CSF3R: variants seen among roughly 807,000 people sequenced by gnomAD.
The protein encoded by CSF3R is granulocyte colony-stimulating factor receptor.
CSF3R carries 52 observed loss-of-function variants against 84.4 expected under a neutral mutation model. The observed-to-expected ratio is 0.62, with a 90% CI of 0.49 to 0.78. The LOEUF (loss-of-function observed/expected upper bound fraction) is 0.78, where lower values mean the gene tolerates loss of function less well. CSF3R is among the 30% of genes least tolerant of loss of function. The pLI is 0.00. For synonymous variants in CSF3R, 384 were observed against 429.1 expected (o/e 0.89, Z 1.30); for missense variants, 890 against 1,055.7 (o/e 0.84, Z 2.17).
chr1:36,467,008 C>A lies in CSF3R; in HGVS notation c.2041-181G>T. 1 of 1,454,626 alleles carries A rather than the reference C, an allele frequency of 6.9e-7. No homozygotes were observed. Among genetic ancestry groups the A allele is most frequent in the Non-Finnish European group, 9.5e-7 (1 of 1,056,864 alleles). The allele number at this position is 1,454,626 out of a possible 1,614,324, so 90.1% of individuals were successfully genotyped here. A position where few individuals can be genotyped will look rare whatever the true frequency, so the allele number is the denominator to read the frequency against. On this transcript the variant is annotated intron_variant, in intron 16 of 16. Coordinates refer to ENST00000373106, the MANE Select transcript of CSF3R (RefSeq NM_000760.4). This position sits in a 1 kb window ranked among gnomAD's most constrained non-coding sequence, Gnocchi z 4.1. Reference sequence around the variant, plus strand: ...CACATGCCTGACACATGCCATGCACCGTTCAGACTCAGCATGGTCAGTTTT... The same window carrying A: ...CACATGCCTGACACATGCCATGCACAGTTCAGACTCAGCATGGTCAGTTTT...
At chr1:36,468,933 C>T (rs2124106321) in intron 12 of CSF3R, 1 of 555,100 alleles carries the variant, frequency 1.8e-6, no homozygotes, top group East Asian at 3.1e-5. Flanking sequence ...GCCAGGTTTG[C>T]TCCTTGAATT....
At chr1:36,481,048 CCAGTTTGATTAT>C (rs1320247142) in intron 2 of CSF3R, among the ~76,000 whole-genome samples, 1 of 152,182 alleles carries the variant, frequency 6.6e-6, no homozygotes, top group Non-Finnish European at 1.5e-5. Context: ...CTATAGCATA[CCAGTTTGATTAT>C]CCCCCCGCAA....
chr1:36,473,890 G>A lies in CSF3R; in HGVS notation c.362-3C>T. The stretch of plus-strand genomic sequence containing the variant: ...GTTGTGGGGTATGGCTGGAGGGTCT[G>A]CATGTGGGTGGGAAGAGTGTGAGGG... On this transcript the variant is annotated splice_polypyrimidine_tract_variant and splice_region_variant and intron_variant, in intron 4 of 16. Transcript: ENST00000373106. 1 of 1,614,000 alleles carries A rather than the reference G, an allele frequency of 6.2e-7. No individual in the cohort carries two copies. Among genetic ancestry groups the A allele is most frequent in the South Asian group, 1.1e-5 (1 of 91,078 alleles).
At chr1:36,473,182 T>A in intron 6 of CSF3R, 1 of 561,530 alleles carries the variant, frequency 1.8e-6, no homozygotes, top group Non-Finnish European at 3.2e-6. Flanking sequence ...TAACATGTAG[T>A]GGGTGCTTTA....
At chr1:36,469,392 G>T in intron 11 of CSF3R, 135 bp from the exon 12 acceptor site, 1 of 798,860 alleles carries the variant, frequency 1.3e-6, no homozygotes, top group Non-Finnish European at 2.1e-6. Context: ...ATCTTCTTTA[G>T]ATCATTTGAT....
Position 36,471,501 on chromosome 1 carries a change from A to AC in CSF3R, c.1216dup (p.Val406GlyfsTer7), listed in dbSNP as rs890101650. The AC allele has an allele frequency of 1.2e-6, 2 of 1,614,138 alleles. No homozygotes were observed. The highest frequency in any genetic ancestry group is 1.7e-6 in the Non-Finnish European group (2 of 1,180,024). ...GGCTGAGTTATAGGCCACAAGGGCC[A>AC]CCTCCTGGGCTTCTGAAGGCAGGTG... On this transcript the variant is annotated frameshift_variant, in exon 10 of 17. Transcript: ENST00000373106. LOFTEE classifies it high-confidence loss of function.
At chr1:36,468,246 G>A (rs924351674) in intron 12 of CSF3R, 25 bp from the exon 13 acceptor site, 1 of 1,554,646 alleles carries the variant, frequency 6.4e-7, no homozygotes, top group African/African-American at 1.4e-5. Flanking sequence ...AGGTGCGGGG[G>A]CTGAAGGGAG....
Position 36,469,211 on chromosome 1 carries a change from C to G in CSF3R, c.1521G>C (p.Leu507Phe). 2 of 1,614,064 alleles carry G rather than the reference C, an allele frequency of 1.2e-6. No homozygotes were observed. The highest frequency in any genetic ancestry group is 1.7e-6 in the Non-Finnish European group (2 of 1,179,986). ...GGGAGGGTCCCATGGTGTCCTGGTA[C>G]AAGGGAGTCACGATGATCTCATAGA... ...FQLYEIIVTP[L>F]YQDTMGPSQH... The change falls in exon 12 of 17, where the codon TTG (leucine) becomes TTC (phenylalanine). Residue 507 changes from leucine (L) to phenylalanine (F), a missense_variant. By Grantham distance (22) the Leu-to-Phe change is conservative. Transcript: ENST00000373106.
Position 36,472,280 on chromosome 1 carries a change from T to C in CSF3R, c.955A>G (p.Ser319Gly). Residue 319 changes from serine (S) to glycine (G), a missense_variant, in exon 8 of 17, where the codon AGC (serine) becomes GGC (glycine). Ser to Gly is a moderately conservative substitution (Grantham distance 56). Transcript: ENST00000373106. This position sits in a 1 kb window ranked among gnomAD's most constrained non-coding sequence, Gnocchi z 5.0. ...AGCTCCAGGCTGGGGCTCCAGTCGCTCCAGTGGCCAGGCAGGGGCCAGCGG... is the reference window on the plus strand; with the variant it reads ...AGCTCCAGGCTGGGGCTCCAGTCGCCCCAGTGGCCAGGCAGGGGCCAGCGG... ...CIRWPLPGHW[S>G]DWSPSLELRT... 1 of 1,614,006 alleles carries C rather than the reference T, an allele frequency of 6.2e-7. No homozygotes were observed. The highest frequency in any genetic ancestry group is 8.5e-7 in the Non-Finnish European group (1 of 1,179,986).
chr1:36,470,253 C>T (rs574113708), intron 10 of CSF3R, among the ~76,000 whole-genome samples: 16 of 152,288 alleles, frequency 1.1e-4, no homozygotes, highest in African/African-American at 3.1e-4. Context: ...GGCGCCATCT[C>T]GGCTCATTGC....
chr1:36,477,231 A>G (rs897352901), intron 3 of CSF3R: 2 of 152,112 alleles, frequency 1.3e-5, no homozygotes, highest in African/African-American at 2.4e-5. Context: ...CCCAGTGCCT[A>G]GTACAGAGTA....
chr1:36,475,693 G>T lies in CSF3R; in HGVS notation c.65-20C>A. On this transcript the variant is annotated intron_variant, in intron 3 of 16. Transcript: ENST00000373106. ...CCAGACCTGGGGTGGAAGAGAATGGGCCAGGAACGACGCCTCTGCCTAGCA... is the reference window on the plus strand; with the variant it reads ...CCAGACCTGGGGTGGAAGAGAATGGTCCAGGAACGACGCCTCTGCCTAGCA... 6.2e-7 allele frequency: 1 copy of T among 1,601,006 alleles called. No homozygotes were observed. The highest frequency in any genetic ancestry group is 8.5e-7 in the Non-Finnish European group (1 of 1,171,796).
At chr1:36,482,341 G>A (rs1317778459) in intron 1 of CSF3R, among the ~76,000 whole-genome samples, 1 of 151,754 alleles carries the variant, frequency 6.6e-6, no homozygotes, top group East Asian at 1.9e-4. Flanking sequence ...AGCCCGGGAA[G>A]CGTCTGTTAC....
chr1:36,475,082 G>A (rs191241952), intron 4 of CSF3R, among the ~76,000 whole-genome samples: 165 of 150,768 alleles, frequency 1.1e-3, no homozygotes, highest in African/African-American at 3.8e-3. Flanking sequence ...TCAGCTCATT[G>A]CAACCTCCGC....
rs370767042 is a variant in CSF3R at position 36,472,413 on chromosome 1, T to C, written c.844-22A>G. 67 of 1,613,766 alleles carry C rather than the reference T, an allele frequency of 4.2e-5. No homozygotes were observed. Among genetic ancestry groups the C allele is most frequent in the Non-Finnish European group, 5.7e-5 (67 of 1,179,984 alleles). ...CCACCTGGTGAGGGGTGGACAGGAC[T>C]CTGAGCCTTGGATCGCTGGGCCATT... On this transcript the variant is annotated intron_variant, in intron 7 of 16. Coordinates refer to ENST00000373106, the MANE Select transcript of CSF3R (RefSeq NM_000760.4). The surrounding 1 kb of genome is among the most constrained non-coding windows in gnomAD (Gnocchi z 5.0).
chr1:36,469,527 G>A lies in CSF3R; in HGVS notation c.1474+125C>T, dbSNP rs3917989. The A allele has an allele frequency of 0.33, 388,558 of 1,184,924 alleles. 66,499 individuals are homozygous for A. The highest frequency in any genetic ancestry group is 0.41 in the South Asian group (32,857 of 80,950). 73.4% of individuals were successfully genotyped at this position (1,184,924 alleles called of 1,614,324 possible). ...TATGAGGATATGAAATGAGAACAACGAAGGATCAAGAAAGGCTGGAGAATC... is the reference window on the plus strand; with the variant it reads ...TATGAGGATATGAAATGAGAACAACAAAGGATCAAGAAAGGCTGGAGAATC... On this transcript the variant is annotated intron_variant, in intron 11 of 16. Coordinates refer to ENST00000373106, the MANE Select transcript of CSF3R (RefSeq NM_000760.4).
chr1:36,471,319 T>C, intron 10 of CSF3R, 114 bp downstream of exon 10: 1 of 1,065,612 alleles, frequency 9.4e-7, no homozygotes, highest in East Asian at 2.4e-5. Flanking sequence ...AGTGCTGGGA[T>C]TACAGGCGTG....
chr1:36,471,036 C>T (rs1348221405), intron 10 of CSF3R, among the ~76,000 whole-genome samples: 1 of 151,826 alleles, frequency 6.6e-6, no homozygotes, highest in Non-Finnish European at 1.5e-5. Flanking sequence ...AGTGATAGGA[C>T]TCGTTTTTTG....
At chr1:36,480,576 C>T (rs778078351) in intron 2 of CSF3R, among the ~76,000 whole-genome samples, 22 of 152,186 alleles carry the variant, frequency 1.4e-4, no homozygotes, top group African/African-American at 4.8e-4. Flanking sequence ...TCCTCCAGCA[C>T]GAGTTGGTGC....
Sources: gnomAD v4.1 joint callset for allele counts (sites outside exome capture counted in the v4.1 genomes callset) on GRCh38, gnomAD v4.1.1 for gene constraint, Gnocchi (gnomAD v3.1) non-coding constraint, MANE v1.5 for transcripts, NCBI Gene and HGNC (gene_info 2026-07-23, HGNC 2026-07-21) for gene names.